Variants in LMO7 observed in about 807,000 individuals in gnomAD.
LMO7 encodes the protein LIM domain 7.
A neutral mutation model predicts 206.5 loss-of-function variants in LMO7; 120 were observed. That is an observed-to-expected ratio of 0.58 (90% CI 0.50 to 0.68). The LOEUF is 0.68. Among genes scored for constraint, LMO7 ranks in the 30% least tolerant of loss-of-function variants. The probability of loss-of-function intolerance (pLI) is 0.00; values close to 1 mark genes in which losing one functional copy is unlikely to be tolerated. For synonymous variants in LMO7, 706 were observed against 681.5 expected (o/e 1.04, Z -0.56); for missense variants, 1,959 against 1,957.9 (o/e 1.00, Z -0.01).
intron 1 of LMO7, chr13:75,688,858 T>G (rs75455902): frequency 6.6e-6 from 1 of 152,172 alleles, no homozygotes; most frequent in East Asian, 1.9e-4. Context: ...ATAAGCTCCT[T>G]CCATTGGGCT....
chr13:75,766,780 T>C (rs1402210473), intron 4 of LMO7, among the ~76,000 whole-genome samples: 1 of 152,102 alleles, frequency 6.6e-6, no homozygotes, highest in African/African-American at 2.4e-5. Context: ...ACAGGAAGTA[T>C]GTATTATTCC....
intron 4 of LMO7, among the ~76,000 whole-genome samples, chr13:75,779,962 C>T (rs753314847): frequency 3.2e-4 from 49 of 152,170 alleles, no homozygotes; most frequent in Non-Finnish European, 6.3e-4. Flanking sequence ...TGGCAGGTTC[C>T]GTGATGCCCC....
In LMO7 at chr13:75,686,602, A is replaced by T. The variant is rs184415304; in HGVS notation, c.70-26580A>T. 6.2e-5 allele frequency among the ~76,000 whole-genome samples: 9 copies of T among 146,180 alleles called. No homozygotes were observed. In the East Asian group the frequency reaches 1.8e-3, roughly 29 times the overall value. ...TTGGCTTTATGGGAGAGGATTTTAG[A>T]TTTGACAGACTAGTGGAATGTGTAC... On this transcript the variant is annotated intron_variant, in intron 1 of 30. Transcript: ENST00000377534.
At chr13:75,838,896 C>G (rs1396075802) in intron 20 of LMO7, among the ~76,000 whole-genome samples, 4 of 152,122 alleles carry the variant, frequency 2.6e-5, no homozygotes, top group Non-Finnish European at 5.9e-5. Flanking sequence ...TGTTTTGCTA[C>G]TAAGAACTTA....
At chr13:75,633,365 G>C (rs575945411), upstream of LMO7, among the ~76,000 whole-genome samples, 1 of 152,276 alleles carries the variant, frequency 6.6e-6, no homozygotes, top group East Asian at 1.9e-4. Flanking sequence ...CCACAGACTA[G>C]AGATAGTGCC....
intron 4 of LMO7, among the ~76,000 whole-genome samples, chr13:75,794,737 C>T (rs139724643): frequency 9.3e-4 from 141 of 152,272 alleles, no homozygotes; most frequent in African/African-American, 3.3e-3. Flanking sequence ...GTGGTGCCAT[C>T]TGCCTCTTTT....
chr13:75,856,658 G>A lies in LMO7; in HGVS notation c.4873+50G>A, dbSNP rs780093808. 51 of 1,064,498 alleles carry A rather than the reference G, an allele frequency of 4.8e-5. No individual in the cohort carries two copies. The South Asian group carries it at 5.1e-4, about 11-fold the overall frequency. The allele number at this position is 1,064,498 out of a possible 1,614,324, so 65.9% of individuals were successfully genotyped here. On this transcript the variant is annotated intron_variant, in intron 30 of 30. Transcript: ENST00000377534. ...ATTTCTTGCCTTTTAAGGAGGCCACGGGTTCCCATGCATTTCCCTGAACCT... is the reference window on the plus strand; with the variant it reads ...ATTTCTTGCCTTTTAAGGAGGCCACAGGTTCCCATGCATTTCCCTGAACCT...
At chr13:75,796,051 A>T (rs867050998) in intron 5 of LMO7, among the ~76,000 whole-genome samples, 1 of 152,254 alleles carries the variant, frequency 6.6e-6, no homozygotes, top group African/African-American at 2.4e-5. Flanking sequence ...GTTATGTGTT[A>T]GCAATACGCT....
Position 75,858,029 on chromosome 13 carries a change from CT to C in LMO7, c.*92del, listed in dbSNP as rs777689482. 2.0e-6 allele frequency: 3 copies of C among 1,494,624 alleles called. No homozygotes were observed. The highest frequency in any genetic ancestry group is 1.4e-5 in the African/African-American group (1 of 69,266). The allele number at this position is 1,494,624 out of a possible 1,614,324, so 92.6% of individuals were successfully genotyped here. A position where few individuals can be genotyped will look rare whatever the true frequency, so the allele number is the denominator to read the frequency against. The stretch of plus-strand genomic sequence containing the variant: ...AGATCTATAAATATGTGTTGTATGT[CT>C]TTTTTGCTTTTTTTTTAAAAAAAAG... On this transcript the variant is annotated 3_prime_UTR_variant, in exon 31 of 31. Coordinates refer to ENST00000377534, the MANE Select transcript of LMO7 (RefSeq NM_001306080.2).
At chr13:75,789,465 A>G (rs767430550) in intron 4 of LMO7, among the ~76,000 whole-genome samples, 9 of 152,158 alleles carry the variant, frequency 5.9e-5, no homozygotes, top group Non-Finnish European at 1.0e-4. Flanking sequence ...TCTGTGGCAA[A>G]TTCTATGAAG....
At chr13:75,693,934 C>G (rs550216160) in intron 1 of LMO7, among the ~76,000 whole-genome samples, 2 of 152,232 alleles carry the variant, frequency 1.3e-5, no homozygotes, top group South Asian at 2.1e-4. Context: ...GTCTCTGAAC[C>G]TTAGTTAAAA....
At chr13:75,632,679 C>T (rs1280484886), upstream of LMO7, among the ~76,000 whole-genome samples, 1 of 152,208 alleles carries the variant, frequency 6.6e-6, no homozygotes, top group Non-Finnish European at 1.5e-5. Context: ...AAGCTAGTTA[C>T]ACAGCAGCAG....
intron 3 of LMO7, among the ~76,000 whole-genome samples, chr13:75,735,287 G>T (rs1159553906): frequency 1.3e-5 from 2 of 151,920 alleles, no homozygotes; most frequent in Non-Finnish European, 2.9e-5. Context: ...GGGGAGGTTT[G>T]TAGGACCCTG....
chr13:75,625,581 A>C (rs1325282932), intron 2 of LMO7, among the ~76,000 whole-genome samples: 1 of 152,224 alleles, frequency 6.6e-6, no homozygotes, highest in Non-Finnish European at 1.5e-5. Context: ...TGTCCAGACA[A>C]AGCCTTAGGG....
intron 4 of LMO7, among the ~76,000 whole-genome samples, chr13:75,769,844 G>T (rs2049395314): frequency 6.6e-6 from 1 of 152,082 alleles, no homozygotes; most frequent in Non-Finnish European, 1.5e-5. Flanking sequence ...ACTGATGGCT[G>T]TCAATTGTTT....
At chr13:75,807,445 A>G in intron 9 of LMO7, 35 bp from the exon 10 acceptor site, 2 of 1,600,928 alleles carry the variant, frequency 1.2e-6, no homozygotes, top group Non-Finnish European at 1.7e-6. Context: ...TAAGCTTAAT[A>G]AGATTCTCTT....
chr13:75,819,359 A>C, intron 12 of LMO7, 34 bp from the exon 13 acceptor site: 1 of 1,559,274 alleles, frequency 6.4e-7, no homozygotes, highest in Admixed American at 2.1e-5. Flanking sequence ...ATAGAAATTC[A>C]GGTGTGCCCC....
intron 4 of LMO7, among the ~76,000 whole-genome samples, chr13:75,782,202 A>G (rs1351403855): frequency 6.6e-6 from 1 of 152,232 alleles, no homozygotes; most frequent in Non-Finnish European, 1.5e-5. Context: ...ATTTGGTAAC[A>G]AAATTCAGCT....
chr13:75,723,781 G>C (rs1366291410), intron 2 of LMO7, among the ~76,000 whole-genome samples: 1 of 152,154 alleles, frequency 6.6e-6, no homozygotes, highest in East Asian at 1.9e-4. Context: ...AAAGGAAGGA[G>C]GCAACTTGAG....
Sources: gnomAD v4.1 joint callset for allele counts (sites outside exome capture counted in the v4.1 genomes callset) on GRCh38, gnomAD v4.1.1 for gene constraint, MANE v1.5 for transcripts, NCBI Gene and HGNC (gene_info 2026-07-23, HGNC 2026-07-21) for gene names.